CSMD1: variants seen among roughly 807,000 people sequenced by gnomAD.
CSMD1 encodes CUB and Sushi multiple domains 1.
CSMD1 carries 213 observed loss-of-function variants against 417.5 expected under a neutral mutation model. The observed-to-expected ratio is 0.51, with a 90% confidence interval of 0.46 to 0.57. The LOEUF (loss-of-function observed/expected upper bound fraction) is 0.57. CSMD1 is among the 20% of genes least tolerant of loss of function. The probability of loss-of-function intolerance (pLI) is 0.00; values close to 1 mark genes in which losing one functional copy is unlikely to be tolerated. For synonymous variants in CSMD1, 2,862 were observed against 1,736.8 expected (o/e 1.65, Z -16.11); for missense variants, 6,923 against 4,529.7 (o/e 1.53, Z -15.17).
chr8:4,929,261 C>A (rs1585348917), intron 1 of CSMD1, among the ~76,000 whole-genome samples: 1 of 152,122 alleles, frequency 6.6e-6, no homozygotes, highest in South Asian at 2.1e-4. Context: ...AGAAACCAAA[C>A]CTGCAGACAC....
intron 5 of CSMD1, among the ~76,000 whole-genome samples, chr8:3,929,502 A>C (rs1196921275): frequency 1.3e-5 from 2 of 150,488 alleles, no homozygotes; most frequent in African/African-American, 2.5e-5. Flanking sequence ...TGCAATCTGC[A>C]TATTGAAATT....
At chr8:4,223,623 T>C (rs912227253) in intron 3 of CSMD1, among the ~76,000 whole-genome samples, 10 of 152,222 alleles carry the variant, frequency 6.6e-5, no homozygotes, top group African/African-American at 9.6e-5. Flanking sequence ...AAAGAATAGA[T>C]TAGCAGCCAG....
In CSMD1 at chr8:3,558,797, T is replaced by C. The variant is rs966849121; in HGVS notation, c.1344+16148A>G. ...CCGCGTCCACTCCTCCAATGATGAA[T>C]GGTGCCTCAATAGCACCTCGTGTCC... On this transcript the variant is annotated intron_variant, in intron 10 of 69. Coordinates refer to ENST00000635120, the MANE Select transcript of CSMD1 (RefSeq NM_033225.6). Among the ~76,000 whole-genome samples the C allele has an allele frequency of 1.2e-3, 179 of 149,874 alleles. 1 individual carries two copies. The highest frequency in any genetic ancestry group is 9.0e-3 in the Admixed American group (135 of 15,068).
intron 3 of CSMD1, among the ~76,000 whole-genome samples, chr8:4,136,258 A>T (rs1402504791): frequency 6.6e-6 from 1 of 152,240 alleles, no homozygotes; most frequent in Non-Finnish European, 1.5e-5. Context: ...GACAGATTGT[A>T]ACTTGAACAC....
intron 5 of CSMD1, among the ~76,000 whole-genome samples, chr8:3,784,132 CTCTCTCTT>C (rs1234517475): frequency 2.1e-5 from 3 of 145,512 alleles, no homozygotes; most frequent in Non-Finnish European, 3.0e-5. Context: ...ATTCTTTTTC[CTCTCTCTT>C]TCTCTCTCTC....
intron 1 of CSMD1, among the ~76,000 whole-genome samples, chr8:4,648,259 G>C (rs1257949216): frequency 2.0e-5 from 3 of 152,028 alleles, no homozygotes; most frequent in African/African-American, 7.3e-5. Context: ...TTTTTGATGG[G>C]GTTGTTTTTT....
At chr8:3,291,300 T>C (rs1803539822) in intron 25 of CSMD1, among the ~76,000 whole-genome samples, 3 of 152,164 alleles carry the variant, frequency 2.0e-5, no homozygotes, top group Admixed American at 2.0e-4. Flanking sequence ...TTTTGTTGTG[T>C]CTCTGTCAGG....
chr8:3,509,784 G>A (rs549234539), intron 10 of CSMD1, among the ~76,000 whole-genome samples: 1 of 152,272 alleles, frequency 6.6e-6, no homozygotes, highest in Admixed American at 6.5e-5. Flanking sequence ...GATGCCTTCT[G>A]TCCTGGAGCA....
intron 3 of CSMD1, among the ~76,000 whole-genome samples, chr8:4,146,277 A>G (rs1190000549): frequency 6.6e-6 from 1 of 151,040 alleles, no homozygotes; most frequent in Non-Finnish European, 1.5e-5. Context: ...TAATTCGCGT[A>G]GTGCAGTCGG....
At chr8:3,903,566 G>C (rs188760845) in intron 5 of CSMD1, among the ~76,000 whole-genome samples, 152 of 152,238 alleles carry the variant, frequency 1.0e-3, no homozygotes, top group African/African-American at 3.5e-3. Context: ...TCAATGTGTA[G>C]AATATTACGG....
rs2128908964 is a variant in CSMD1 at position 2,935,441 on chromosome 8, A to T, written c.*3144T>A. On this transcript the variant is annotated 3_prime_UTR_variant, in exon 70 of 70. Coordinates refer to ENST00000635120, the MANE Select transcript of CSMD1 (RefSeq NM_033225.6). ...ACAGGCTATATTACACCCTCTTTAT[A>T]ATTTTTTTGACAAAAAAAAGATACT... 6.6e-6 allele frequency: 1 copy of T among 152,282 alleles called. No individual in the cohort carries two copies. Among genetic ancestry groups the T allele is most frequent in the East Asian group, 1.9e-4 (1 of 5,190 alleles). 9.4% of individuals were successfully genotyped at this position (152,282 alleles called of 1,614,324 possible).
chr8:3,796,291 TATATCTATCATGTATAGATATAG>T (rs1382396967), intron 5 of CSMD1, among the ~76,000 whole-genome samples: 3 of 24,900 alleles, frequency 1.2e-4, no homozygotes, highest in East Asian at 1.4e-3. Flanking sequence ...CATGTATAGA[TATATCTATCATGTATAGATATAG>T]ATATCTATCA....
chr8:4,351,771 T>C (rs1417972338), intron 3 of CSMD1, among the ~76,000 whole-genome samples: 2 of 152,048 alleles, frequency 1.3e-5, no homozygotes, highest in African/African-American at 4.8e-5. Flanking sequence ...GATGTGAAAT[T>C]GCCACTTATT....
chr8:4,326,923 C>T (rs1050970343), intron 3 of CSMD1, among the ~76,000 whole-genome samples: 2 of 152,018 alleles, frequency 1.3e-5, no homozygotes, highest in Admixed American at 6.6e-5. Flanking sequence ...AGTTAGGAGC[C>T]ATAATCTCAA....
At chr8:3,609,292 G>A (rs192632805) in intron 8 of CSMD1, among the ~76,000 whole-genome samples, 67 of 152,230 alleles carry the variant, frequency 4.4e-4, no homozygotes, top group Middle Eastern at 6.8e-3. Context: ...ATACCAATCT[G>A]AGCTCCCTCC....
At chr8:3,821,712 C>T (rs975678884) in intron 5 of CSMD1, among the ~76,000 whole-genome samples, 5 of 152,066 alleles carry the variant, frequency 3.3e-5, no homozygotes, top group Non-Finnish European at 7.4e-5. Context: ...AACCCAGGAG[C>T]GGGAGGTTGC....
chr8:3,541,901 A>G (rs1563136955), intron 10 of CSMD1, among the ~76,000 whole-genome samples: 1 of 152,136 alleles, frequency 6.6e-6, no homozygotes, highest in Non-Finnish European at 1.5e-5. Flanking sequence ...ATCTCTACTC[A>G]AAATACAAAC....
At chr8:3,247,564 C>G (rs77397148) in intron 26 of CSMD1, among the ~76,000 whole-genome samples, 1 of 152,200 alleles carries the variant, frequency 6.6e-6, no homozygotes, top group Non-Finnish European at 1.5e-5. Flanking sequence ...GTCTTGAATA[C>G]GCAGAGGATG....
At chr8:4,488,824 A>G (rs1238923409) in intron 2 of CSMD1, among the ~76,000 whole-genome samples, 3 of 152,198 alleles carry the variant, frequency 2.0e-5, no homozygotes, top group Non-Finnish European at 4.4e-5. Flanking sequence ...CTGCAAAGAG[A>G]TCGCCAGTTC....
Sources: gnomAD v4.1 joint callset for allele counts (sites outside exome capture counted in the v4.1 genomes callset) on GRCh38, gnomAD v4.1.1 for gene constraint, MANE v1.5 for transcripts, NCBI Gene and HGNC (gene_info 2026-07-23, HGNC 2026-07-21) for gene names.